The following CSMD3 variants were observed in gnomAD, a reference collection of about 807,000 sequenced individuals.
The protein encoded by CSMD3 is CUB and sushi domain-containing protein 3.
In CSMD3, 177 loss-of-function variants were observed where a neutral mutation model predicts 435.2. The observed-to-expected ratio is 0.41, with a 90% CI of 0.36 to 0.46. The LOEUF (loss-of-function observed/expected upper bound fraction) is 0.46, where lower values mean the gene tolerates loss of function less well. CSMD3 is among the 20% of genes least tolerant of loss of function. The pLI is 0.34. For missense variants in CSMD3, 4,265 were observed against 4,504.6 expected (o/e 0.95, Z 1.52); for synonymous variants, 1,656 against 1,520.5 (o/e 1.09, Z -2.07).
rs1825128619 is a variant in CSMD3, at chr8:112,341,668, A to G, written c.6461T>C (p.Val2154Ala). 2 of 1,607,902 alleles carry G rather than the reference A, an allele frequency of 1.2e-6. No individual in the cohort carries two copies. Among genetic ancestry groups the G allele is most frequent in the Non-Finnish European group, 1.7e-6 (2 of 1,174,524 alleles). Reference protein sequence around the residue: ...PIGFGVHLQFVNFSTETIHDY... With the variant: ...PIGFGVHLQFANFSTETIHDY... ...ATGTATGGTTTCTGTAGAAAAATTT[A>G]CAAACTGGAGATGTACACCTGAAGA... Residue 2154 changes from valine to alanine, a missense_variant, in exon 42 of 71, where the codon GTA becomes GCA. Around this residue, in one of 3 missense-constraint regions of CSMD3, gnomAD observed 3,255 missense variants for 3,380.2 expected, o/e 0.96. Transcript: ENST00000297405.
intron 3 of CSMD3, among the ~76,000 whole-genome samples, chr8:113,224,196 T>C (rs1459738664): frequency 6.6e-6 from 1 of 151,282 alleles, no homozygotes; most frequent in East Asian, 1.9e-4. Flanking sequence ...TTTTAGGTTC[T>C]GCTTTTTAAA....
chr8:112,613,941 A>G (rs1833468673), intron 22 of CSMD3, among the ~76,000 whole-genome samples: 1 of 152,146 alleles, frequency 6.6e-6, no homozygotes, highest in Non-Finnish European at 1.5e-5. Flanking sequence ...TGTGCAACAA[A>G]GCAAAACTTT....
At chr8:112,670,410 G>A (rs535334426) in intron 16 of CSMD3, among the ~76,000 whole-genome samples, 41 of 152,260 alleles carry the variant, frequency 2.7e-4, no homozygotes, top group African/African-American at 8.4e-4. Flanking sequence ...ACACACACAC[G>A]TATATAGACA....
At chr8:113,123,847 T>A (rs2091051353) in intron 4 of CSMD3, among the ~76,000 whole-genome samples, 1 of 152,116 alleles carries the variant, frequency 6.6e-6, no homozygotes, top group Admixed American at 6.6e-5. Context: ...GAGCTCTGGA[T>A]CCATTCCACC....
intron 1 of CSMD3, among the ~76,000 whole-genome samples, chr8:113,339,867 T>C (rs1033490988): frequency 2.0e-5 from 3 of 152,022 alleles, no homozygotes; most frequent in Admixed American, 6.6e-5. Flanking sequence ...CCCTTCTTTA[T>C]ATCTATCAAT....
chr8:113,153,029 A>G (rs1252452908), intron 4 of CSMD3, among the ~76,000 whole-genome samples: 1 of 150,352 alleles, frequency 6.7e-6, no homozygotes, highest in African/African-American at 2.5e-5. Flanking sequence ...AAGAAAAGAG[A>G]AAAGAAAGAA....
At chr8:113,221,025 T>C (rs1164190288) in intron 3 of CSMD3, among the ~76,000 whole-genome samples, 1 of 151,294 alleles carries the variant, frequency 6.6e-6, no homozygotes, top group Non-Finnish European at 1.5e-5. Context: ...GAAATATCAA[T>C]GTCATAAACT....
chr8:112,244,318 T>C, intron 65 of CSMD3, 76 bp downstream of exon 65: 7 of 1,263,100 alleles, frequency 5.5e-6, no homozygotes, highest in Non-Finnish European at 8.1e-6. Flanking sequence ...CTAATTTGAG[T>C]TGAGTTTTTG....
intron 2 of CSMD3, among the ~76,000 whole-genome samples, chr8:113,307,708 AT>A (rs1261265798): frequency 1.3e-5 from 2 of 152,216 alleles, no homozygotes; most frequent in African/African-American, 4.8e-5. Flanking sequence ...AATTAAAAAA[AT>A]AGACAAAATA....
At chr8:113,312,231 G>A (rs1588494672) in intron 2 of CSMD3, 1 of 152,132 alleles carries the variant, frequency 6.6e-6, no homozygotes, top group Middle Eastern at 3.4e-3. Context: ...ATCAATTCAA[G>A]CCTCATTTTA....
chr8:113,091,967 A>G (rs550684257), intron 5 of CSMD3, among the ~76,000 whole-genome samples: 1 of 151,982 alleles, frequency 6.6e-6, no homozygotes, highest in East Asian at 1.9e-4. Context: ...GGTTTTGTAT[A>G]CCCATATATG....
intron 12 of CSMD3, among the ~76,000 whole-genome samples, chr8:112,827,510 T>C (rs889721771): frequency 3.9e-5 from 6 of 152,170 alleles, no homozygotes; most frequent in Non-Finnish European, 8.8e-5. Flanking sequence ...GGAAAAGATA[T>C]CTCATCAAAT....
At chr8:113,271,578 A>G (rs1008657471) in intron 3 of CSMD3, among the ~76,000 whole-genome samples, 1 of 152,146 alleles carries the variant, frequency 6.6e-6, no homozygotes. Context: ...GGGGACCTCC[A>G]TCTATATTTC....
chr8:112,537,043 T>G (rs552970976), intron 27 of CSMD3, among the ~76,000 whole-genome samples: 9 of 152,056 alleles, frequency 5.9e-5, no homozygotes, highest in African/African-American at 2.2e-4. Context: ...GGGGGAGGGA[T>G]AGCATTAGGA....
At chr8:112,659,237 A>T (rs2075324234) in intron 17 of CSMD3, among the ~76,000 whole-genome samples, 1 of 152,224 alleles carries the variant, frequency 6.6e-6, no homozygotes, top group African/African-American at 2.4e-5. Context: ...ATAAAAATAC[A>T]TTCTAATAAC....
intron 3 of CSMD3, among the ~76,000 whole-genome samples, chr8:113,183,345 C>T (rs936481864): frequency 9.9e-5 from 15 of 151,930 alleles, no homozygotes; most frequent in African/African-American, 3.4e-4. Flanking sequence ...CTAAAACCAC[C>T]CCTGAAAACT....
chr8:112,244,222 C>T (rs528939089), intron 65 of CSMD3, among the ~76,000 whole-genome samples, 172 bp downstream of exon 65: 6 of 152,104 alleles, frequency 3.9e-5, no homozygotes, highest in African/African-American at 9.7e-5. Flanking sequence ...TGAATAGACT[C>T]ATAAAATTTA....
At chr8:112,926,830 A>G (rs1208944554) in intron 9 of CSMD3, among the ~76,000 whole-genome samples, 1 of 152,118 alleles carries the variant, frequency 6.6e-6, no homozygotes, top group Admixed American at 6.6e-5. Flanking sequence ...GCATTACATC[A>G]AGAGTAAATT....
intron 22 of CSMD3, among the ~76,000 whole-genome samples, chr8:112,632,512 G>A (rs1003833860): frequency 6.6e-6 from 1 of 151,922 alleles, no homozygotes; most frequent in African/African-American, 2.4e-5. Flanking sequence ...AAAATATGTG[G>A]ACTCCTGCCT....
Sources: gnomAD v4.1 joint callset for allele counts (sites outside exome capture counted in the v4.1 genomes callset) on GRCh38, gnomAD v4.1.1 for gene constraint, gnomAD v4.1.1 regional missense constraint, MANE v1.5 for transcripts, NCBI Gene and HGNC (gene_info 2026-07-23, HGNC 2026-07-21) for gene names.